The following TEX35 variants were observed in gnomAD, a reference collection of about 807,000 sequenced individuals.
The protein encoded by TEX35 is testis-expressed protein 35.
Under a neutral mutation model 31.9 loss-of-function variants are expected in TEX35, and 26 were observed. The ratio of observed to expected loss-of-function variants is 0.81; its 90% CI spans 0.60 to 1.13. TEX35 has a LOEUF of 1.13. TEX35 is among the 50% of genes most tolerant of loss of function. TEX35 has a pLI of 0.00. For missense variants in TEX35, 278 were observed against 273.5 expected, an observed-to-expected ratio of 1.02 and a Z score of -0.12; for synonymous variants, 87 against 90.7, an observed-to-expected ratio of 0.96 and a Z score of 0.23.
chr1:178,514,305 A>C (rs757075344), intron 2 of TEX35: 75 of 1,425,852 alleles, frequency 5.3e-5, no homozygotes, highest in Non-Finnish European at 7.0e-5. Flanking sequence ...GAATCAAGAC[A>C]GGGAGACATG....
intron 1 of TEX35, 115 bp downstream of exon 1, chr1:178,513,342 C>G: frequency 7.4e-7 from 1 of 1,352,548 alleles, no homozygotes; most frequent in Non-Finnish European, 1.0e-6. Flanking sequence ...GTTTTTCTTT[C>G]TCTGTACTGA....
At chr1:178,518,710 A>G (rs968720789) in intron 5 of TEX35, among the ~76,000 whole-genome samples, 1 of 152,226 alleles carries the variant, frequency 6.6e-6, no homozygotes, top group African/African-American at 2.4e-5. Context: ...ATACTTTTAT[A>G]TCCCTCTGTA....
intron 1 of TEX35, 43 bp from the exon 2 acceptor site, chr1:178,513,984 C>T: frequency 6.2e-7 from 1 of 1,607,246 alleles, no homozygotes; most frequent in African/African-American, 1.3e-5. Flanking sequence ...CCTCCCCAAT[C>T]CTGATGTCTG....
chr1:178,522,408 CCTGCCCCAAAGTCCCAGA>C lies in TEX35; in HGVS notation c.674_691del (p.Ala225_Thr230del), dbSNP rs1422578717. The C allele has an allele frequency of 6.2e-7, 1 of 1,603,876 alleles. No homozygotes were observed. The highest frequency in any genetic ancestry group is 8.5e-7 in the Non-Finnish European group (1 of 1,174,684). ...CCAACCTTCTGTGGGCCACGCTGTG[CCTGCCCCAAAGTCCCAGA>C]CTGAGGGAAGGTGAAGCTTAACTGC... On this transcript the variant is annotated inframe_deletion, in exon 9 of 9. Coordinates refer to ENST00000319416, the MANE Select transcript of TEX35 (RefSeq NM_032126.5).
At chr1:178,523,185 CTCAT>C (rs1489719567), downstream of TEX35, 1 of 629,412 alleles carries the variant, frequency 1.6e-6, no homozygotes, top group African/African-American at 1.8e-5. Flanking sequence ...CGATATTTTC[CTCAT>C]TCATCTGTTG....
In TEX35 at chr1:178,522,555, T is replaced by C. The variant is rs563146124; in HGVS notation, c.*115T>C. On this transcript the variant is annotated 3_prime_UTR_variant, in exon 9 of 9. Coordinates refer to ENST00000319416, the MANE Select transcript of TEX35 (RefSeq NM_032126.5). Reference sequence around the variant, plus strand: ...CTTCAATTTGAAGGACGAGGAATGATGGGATTTCATATTTTATTTCACACC... The same window carrying C: ...CTTCAATTTGAAGGACGAGGAATGACGGGATTTCATATTTTATTTCACACC... 1.2e-5 allele frequency: 16 copies of C among 1,326,510 alleles called. No individual in the cohort carries two copies. In the African/African-American group the frequency reaches 2.2e-4, roughly 18 times the overall value. 82.2% of individuals were successfully genotyped at this position (1,326,510 alleles called of 1,614,324 possible). A position where few individuals can be genotyped will look rare whatever the true frequency, so the allele number is the denominator to read the frequency against.
chr1:178,522,553 G>T lies in TEX35; in HGVS notation c.*113G>T. On this transcript the variant is annotated 3_prime_UTR_variant, in exon 9 of 9. Transcript: ENST00000319416. The stretch of plus-strand genomic sequence containing the variant: ...GGCTTCAATTTGAAGGACGAGGAAT[G>T]ATGGGATTTCATATTTTATTTCACA... The T allele has an allele frequency of 7.5e-7, 1 of 1,324,570 alleles. No individual in the cohort carries two copies. Among genetic ancestry groups the T allele is most frequent in the Non-Finnish European group, 9.7e-7 (1 of 1,030,266 alleles). 82.1% of individuals were successfully genotyped at this position (1,324,570 alleles called of 1,614,324 possible). A position where few individuals can be genotyped will look rare whatever the true frequency, so the allele number is the denominator to read the frequency against.
chr1:178,513,205 C>T lies in TEX35; in HGVS notation c.17C>T (p.Ala6Val). 1 of 1,614,202 alleles carries T rather than the reference C, an allele frequency of 6.2e-7. No individual in the cohort carries two copies. Among genetic ancestry groups the T allele is most frequent in the Non-Finnish European group, 8.5e-7 (1 of 1,180,038 alleles). Residue 6 changes from alanine to valine, a missense_variant, in exon 1 of 9, where the codon GCA (alanine) becomes GTA (valine). Ala to Val is a moderately conservative substitution (Grantham distance 64). Transcript: ENST00000319416. MSAKR[A>V]ELKKTHLSKN... The stretch of plus-strand genomic sequence containing the variant: ...TCCTCCATCATGTCGGCCAAGAGGG[C>T]AGAATTGAAGAAAACACATCTGGTA...
intron 5 of TEX35, among the ~76,000 whole-genome samples, chr1:178,518,917 G>T (rs1034344489): frequency 2.0e-5 from 3 of 152,102 alleles, no homozygotes; most frequent in Non-Finnish European, 4.4e-5. Flanking sequence ...GATCAGTCAT[G>T]AAGTGGGACC....
chr1:178,521,335 C>A, intron 8 of TEX35, 71 bp downstream of exon 8: 1 of 1,551,526 alleles, frequency 6.4e-7, no homozygotes, highest in Non-Finnish European at 8.9e-7. Context: ...CATGTGCTCC[C>A]AGCCGCATTC....
At chr1:178,516,878 A>T (rs1215985428) in intron 5 of TEX35, among the ~76,000 whole-genome samples, 1 of 152,226 alleles carries the variant, frequency 6.6e-6, no homozygotes, top group Non-Finnish European at 1.5e-5. Flanking sequence ...GGGTTGGAGT[A>T]AGCAGCGAAG....
chr1:178,522,106 A>T (rs1650308529), intron 8 of TEX35: 1 of 701,194 alleles, frequency 1.4e-6, no homozygotes, highest in South Asian at 2.1e-5. Context: ...CTCCCTCCAC[A>T]TAATCAGCCT....
intron 7 of TEX35, 133 bp downstream of exon 7, chr1:178,521,007 C>T (rs74822949): frequency 2.0e-5 from 30 of 1,538,316 alleles, no homozygotes; most frequent in African/African-American, 1.2e-4. Flanking sequence ...GGGTGCCGCC[C>T]GAGCCTGCGC....
At chr1:178,520,631 G>C (rs745620879) in intron 6 of TEX35, 42 bp from the exon 7 acceptor site, 2 of 1,602,970 alleles carry the variant, frequency 1.2e-6, no homozygotes, top group South Asian at 2.2e-5. Context: ...GCTGCAAAAT[G>C]TCTCCCCAAC....
intron 4 of TEX35, 60 bp downstream of exon 4, chr1:178,515,975 T>G: frequency 7.4e-7 from 1 of 1,356,132 alleles, no homozygotes; most frequent in East Asian, 2.3e-5. Context: ...AAAAATGCAA[T>G]CCTTAAGTTT....
At position 178,520,414 on chromosome 1, in the gene TEX35, A is replaced by C; in HGVS notation, c.319A>C (p.Asn107His). The C allele has an allele frequency of 6.2e-7, 1 of 1,614,142 alleles. No individual in the cohort carries two copies. Among genetic ancestry groups the C allele is most frequent in the Non-Finnish European group, 8.5e-7 (1 of 1,180,028 alleles). ...DMDEKMDILINTQKNYKLPLR... is the reference protein window; with the variant it reads ...DMDEKMDILIHTQKNYKLPLR... ...GGATGAGAAGATGGACATTTTAATA[A>C]ATACACAGAAGAACTATAAGCTGTA... The change falls in exon 6 of 9, where the codon AAT (asparagine) becomes CAT (histidine). Residue 107 changes from asparagine (N) to histidine (H), a missense_variant. By Grantham distance (68) the Asn-to-His change is moderately conservative. Coordinates refer to ENST00000319416, the MANE Select transcript of TEX35 (RefSeq NM_032126.5).
At position 178,516,654 on chromosome 1, in the gene TEX35, G is replaced by T; in HGVS notation, c.256G>T (p.Glu86Ter). ...GGACAAGGATTTTGATAAACTTCAC[G>T]AATTTGTGGAAATTATGAAGGTAAG... ...LMDKDFDKLH[E>*]FVEIMKEMQK... The change falls in exon 5 of 9, where the codon GAA becomes TAA. Residue 86 changes from glutamate (E) to a stop codon, truncating the protein, a stop_gained. Coordinates refer to ENST00000319416, the MANE Select transcript of TEX35 (RefSeq NM_032126.5). LOFTEE classifies it high-confidence loss of function. 6.2e-7 allele frequency: 1 copy of T among 1,612,608 alleles called. No homozygotes were observed.
At chr1:178,521,641 C>T (rs909497902) in intron 8 of TEX35, 12 of 1,552,138 alleles carry the variant, frequency 7.7e-6, no homozygotes, top group African/African-American at 6.8e-5. Context: ...ACCTCAACCC[C>T]GGTGACATCG....
Position 178,522,400 on chromosome 1 carries a change from A to T in TEX35, c.662A>T (p.His221Leu). 1 of 1,605,258 alleles carries T rather than the reference A, an allele frequency of 6.2e-7. No individual in the cohort carries two copies. The highest frequency in any genetic ancestry group is 1.1e-5 in the South Asian group (1 of 88,802). The change falls in exon 9 of 9, where the codon CAC becomes CTC. Residue 221 changes from histidine to leucine, a missense_variant. Physicochemically the swap from His to Leu is moderately conservative, Grantham distance 99 (BLOSUM62 -3). Coordinates refer to ENST00000319416, the MANE Select transcript of TEX35 (RefSeq NM_032126.5). ...EPVTTQPSVG[H>L]AVPAPKSQTE... ...GTGACCACCCAACCTTCTGTGGGCC[A>T]CGCTGTGCCTGCCCCAAAGTCCCAG...
Sources: gnomAD v4.1 joint callset for allele counts (sites outside exome capture counted in the v4.1 genomes callset) on GRCh38, gnomAD v4.1.1 for gene constraint, MANE v1.5 for transcripts, NCBI Gene and HGNC (gene_info 2026-07-23, HGNC 2026-07-21) for gene names.